SHISA9: variants seen among roughly 807,000 people sequenced by gnomAD.
The protein encoded by SHISA9 is protein shisa-9.
In SHISA9, 13 loss-of-function variants were observed where a neutral mutation model predicts 38.0. That is an observed-to-expected ratio of 0.34 (90% confidence interval 0.22 to 0.54). SHISA9 has a LOEUF of 0.54. Ranked by LOEUF, SHISA9 falls within the 20% of genes least tolerant of loss-of-function variation. SHISA9 has a pLI of 0.91. For synonymous variants in SHISA9, 275 were observed against 242.0 expected, an observed-to-expected ratio of 1.14 and a Z score of -1.27; for missense variants, 538 against 575.8, an observed-to-expected ratio of 0.93 and a Z score of 0.67.
At position 13,121,822 on chromosome 16, in the gene SHISA9, TATACACAC is replaced by T. The variant is rs1170227216; in HGVS notation, c.692-81562_692-81555del. ...ATAATAGGTCACAACATTAAACACC[TATACACAC>T]ATACACACACACACACACACACACA... On this transcript the variant is annotated intron_variant, in intron 2 of 4. Transcript: ENST00000558583. Among the ~76,000 whole-genome samples, 4 of 112,090 alleles carry T rather than the reference TATACACAC, an allele frequency of 3.6e-5. No individual in the cohort carries two copies. In the East Asian group the frequency reaches 7.9e-4, roughly 22 times the overall value. 73.5% of individuals were successfully genotyped at this position (112,090 alleles called of 152,430 possible).
At chr16:12,977,823 G>A (rs117955588) in intron 2 of SHISA9, among the ~76,000 whole-genome samples, 2,984 of 152,148 alleles carry the variant, frequency 0.02, 48 homozygotes, top group African/African-American at 0.038. Context: ...ATTGAGGGTG[G>A]GGAGGGGGGA....
At chr16:13,049,950 TC>T (rs929374402) in intron 2 of SHISA9, among the ~76,000 whole-genome samples, 1 of 152,146 alleles carries the variant, frequency 6.6e-6, no homozygotes, top group Non-Finnish European at 1.5e-5. Context: ...TTGTAAGTCT[TC>T]AAGGATAGAG....
the SHISA9 span, among the ~76,000 whole-genome samples, chr16:13,490,868 C>T: frequency 6.6e-6 from 1 of 152,060 alleles, no homozygotes; most frequent in African/African-American, 2.4e-5. Context: ...GTAATATATT[C>T]TCTGCTTTTC....
At chr16:13,139,153 T>C (rs192392796) in intron 2 of SHISA9, among the ~76,000 whole-genome samples, 19 of 152,282 alleles carry the variant, frequency 1.2e-4, no homozygotes, top group African/African-American at 4.6e-4. Context: ...TTGTAATTTG[T>C]TTCTTCACTT....
intron 2 of SHISA9, among the ~76,000 whole-genome samples, chr16:13,076,465 A>C (rs894255423): frequency 1.4e-4 from 21 of 152,128 alleles, no homozygotes; most frequent in African/African-American, 4.8e-4. Flanking sequence ...TAGTTAGCCC[A>C]CTTCCCCCTG....
At chr16:13,302,650 G>T in the SHISA9 span, among the ~76,000 whole-genome samples, 1 of 152,116 alleles carries the variant, frequency 6.6e-6, no homozygotes, top group Non-Finnish European at 1.5e-5. Flanking sequence ...CTATCCCCCA[G>T]GAATGGCCAC....
At chr16:13,453,838 C>A in the SHISA9 span, among the ~76,000 whole-genome samples, 1 of 152,176 alleles carries the variant, frequency 6.6e-6, no homozygotes, top group Non-Finnish European at 1.5e-5. Flanking sequence ...ACCTCACTCC[C>A]AATCAAGAGT....
intron 2 of SHISA9, among the ~76,000 whole-genome samples, chr16:13,090,506 T>G (rs1359654658): frequency 6.6e-6 from 1 of 152,216 alleles, no homozygotes. Context: ...TGCATATATA[T>G]TTAGGATAGT....
intron 4 of SHISA9, among the ~76,000 whole-genome samples, chr16:13,223,251 A>T (rs1449261000): frequency 6.6e-6 from 1 of 151,976 alleles, no homozygotes; most frequent in Admixed American, 6.6e-5. Flanking sequence ...ACATAGTGAG[A>T]CACCCTTCTC....
intron 2 of SHISA9, among the ~76,000 whole-genome samples, chr16:13,072,827 A>G (rs1223848109): frequency 6.6e-6 from 1 of 151,864 alleles, no homozygotes; most frequent in Non-Finnish European, 1.5e-5. Flanking sequence ...CACCCAGCTA[A>G]TTTTTGTATT....
chr16:13,169,770 A>T (rs547632169), intron 2 of SHISA9, among the ~76,000 whole-genome samples: 9 of 152,264 alleles, frequency 5.9e-5, no homozygotes, highest in African/African-American at 1.7e-4. Flanking sequence ...TATGATTGCT[A>T]TGGGTGGAAA....
the SHISA9 span, among the ~76,000 whole-genome samples, chr16:13,407,360 G>A: frequency 1.3e-5 from 2 of 152,112 alleles, no homozygotes; most frequent in African/African-American, 2.4e-5. Context: ...GTGCATTCAC[G>A]TGGTGGAAGA....
At chr16:13,409,028 C>T in the SHISA9 span, among the ~76,000 whole-genome samples, 2 of 152,182 alleles carry the variant, frequency 1.3e-5, no homozygotes, top group African/African-American at 4.8e-5. Context: ...CGTATAAACC[C>T]TGAACCCCAG....
At chr16:12,998,616 A>G (rs2072487845) in intron 2 of SHISA9, among the ~76,000 whole-genome samples, 1 of 152,008 alleles carries the variant, frequency 6.6e-6, no homozygotes, top group South Asian at 2.1e-4. Context: ...GGAAATCTCT[A>G]CTTTCCTGGC....
chr16:13,559,252 T>A, the SHISA9 span, among the ~76,000 whole-genome samples: 1 of 152,172 alleles, frequency 6.6e-6, no homozygotes, highest in South Asian at 2.1e-4. Context: ...TCTAGAGAAC[T>A]GTCAACCACT....
chr16:12,973,226 C>T (rs1445220954), intron 2 of SHISA9, among the ~76,000 whole-genome samples: 1 of 152,168 alleles, frequency 6.6e-6, no homozygotes, highest in African/African-American at 2.4e-5. Context: ...CAGCTGAATC[C>T]CATATTCACA....
chr16:13,268,683 G>A, the SHISA9 span, among the ~76,000 whole-genome samples: 1 of 152,018 alleles, frequency 6.6e-6, no homozygotes, highest in African/African-American at 2.4e-5. Context: ...TAGTGTAGTG[G>A]GCACAATTTC....
chr16:13,528,245 C>T, the SHISA9 span, among the ~76,000 whole-genome samples: 1 of 152,094 alleles, frequency 6.6e-6, no homozygotes, highest in African/African-American at 2.4e-5. Flanking sequence ...CACCTTTCCC[C>T]TTGCTCAGGA....
the SHISA9 span, among the ~76,000 whole-genome samples, chr16:13,278,390 G>A: frequency 1.3e-5 from 2 of 151,956 alleles, no homozygotes; most frequent in Admixed American, 1.3e-4. Context: ...CTTTGGTTAC[G>A]TCCTTTCCTG....
Sources: allele counts gnomAD v4.1 joint callset (sites outside exome capture counted in the v4.1 genomes callset), GRCh38; gene constraint gnomAD v4.1.1; transcripts MANE v1.5; gene names NCBI Gene and HGNC (gene_info 2026-07-23, HGNC 2026-07-21).